FBXL7: variants seen among roughly 807,000 people sequenced by gnomAD.
The protein encoded by FBXL7 is F-box and leucine rich repeat protein 7.
Under a neutral mutation model 38.3 loss-of-function variants are expected in FBXL7, and 12 were observed. The ratio of observed to expected loss-of-function variants is 0.31; its 90% CI spans 0.20 to 0.51. The LOEUF is 0.51. Ranked by LOEUF, FBXL7 falls within the 20% of genes least tolerant of loss-of-function variation. The pLI, the probability that FBXL7 is intolerant of heterozygous loss-of-function variation, is 0.98. For synonymous variants in FBXL7, 297 were observed against 300.9 expected (o/e 0.99, Z 0.13); for missense variants, 567 against 676.4 (o/e 0.84, Z 1.79).
At chr5:15,638,442 C>T (rs1269831821) in intron 2 of FBXL7, among the ~76,000 whole-genome samples, 1 of 152,286 alleles carries the variant, frequency 6.6e-6, no homozygotes, top group Non-Finnish European at 1.5e-5. Context: ...CACAAAATCC[C>T]GGCTCCACCC....
At chr5:15,628,586 C>T (rs1740893162) in intron 2 of FBXL7, among the ~76,000 whole-genome samples, 1 of 152,150 alleles carries the variant, frequency 6.6e-6, no homozygotes, top group Non-Finnish European at 1.5e-5. Flanking sequence ...ACAACTAAAG[C>T]CAACTTCTGA....
At chr5:15,726,269 C>T (rs1362177324) in intron 2 of FBXL7, among the ~76,000 whole-genome samples, 1 of 152,032 alleles carries the variant, frequency 6.6e-6, no homozygotes, top group Non-Finnish European at 1.5e-5. Flanking sequence ...AAATAAGTTT[C>T]TTGCTGGCCA....
chr5:15,511,693 G>A (rs1012894539), intron 1 of FBXL7, among the ~76,000 whole-genome samples: 1 of 152,172 alleles, frequency 6.6e-6, no homozygotes, highest in Non-Finnish European at 1.5e-5. Flanking sequence ...TATCATCACA[G>A]GAATGGTGGC....
chr5:15,880,673 G>T (rs1740410279), intron 2 of FBXL7, among the ~76,000 whole-genome samples: 1 of 148,902 alleles, frequency 6.7e-6, no homozygotes, highest in Non-Finnish European at 1.5e-5. Flanking sequence ...TTTTAATGCA[G>T]AGAGTTTGAG....
intron 2 of FBXL7, among the ~76,000 whole-genome samples, chr5:15,778,884 A>G (rs1736924298): frequency 6.6e-6 from 1 of 152,168 alleles, no homozygotes; most frequent in Non-Finnish European, 1.5e-5. Context: ...GCTAGGGATA[A>G]TGTGTTTAAT....
chr5:15,819,377 C>G (rs1417115239), intron 2 of FBXL7, among the ~76,000 whole-genome samples: 2 of 152,058 alleles, frequency 1.3e-5, no homozygotes, highest in Non-Finnish European at 2.9e-5. Flanking sequence ...GATCAGTCAT[C>G]TAGATACTGT....
chr5:15,519,831 C>G (rs1356224761), intron 1 of FBXL7, among the ~76,000 whole-genome samples: 1 of 152,114 alleles, frequency 6.6e-6, no homozygotes, highest in African/African-American at 2.4e-5. Context: ...GGAAAGGAGT[C>G]CAGATCCAGA....
At chr5:15,597,935 A>T (rs1313276732) in intron 1 of FBXL7, among the ~76,000 whole-genome samples, 1 of 152,370 alleles carries the variant, frequency 6.6e-6, no homozygotes, top group East Asian at 1.9e-4. Flanking sequence ...TTCAAGAACT[A>T]TTCCAGTTTC....
intron 1 of FBXL7, among the ~76,000 whole-genome samples, chr5:15,512,941 T>C (rs1736841137): frequency 6.6e-6 from 1 of 152,264 alleles, no homozygotes; most frequent in Admixed American, 6.5e-5. Context: ...GGCTTAATGT[T>C]CTTTCTCTGT....
intron 3 of FBXL7, chr5:15,935,223 C>CT (rs933518357): frequency 1.9e-6 from 1 of 534,694 alleles, no homozygotes; most frequent in African/African-American, 1.9e-5. Context: ...GGATTTTACA[C>CT]TTGGAGTGAA....
At chr5:15,502,484 C>A (rs1736523031) in intron 1 of FBXL7, among the ~76,000 whole-genome samples, 1 of 152,134 alleles carries the variant, frequency 6.6e-6, no homozygotes, top group Admixed American at 6.5e-5. Flanking sequence ...TCACTGGGAT[C>A]AGATTTAGAT....
At chr5:15,818,080 T>TAATC (rs1257458515) in intron 2 of FBXL7, among the ~76,000 whole-genome samples, 1 of 132,534 alleles carries the variant, frequency 7.5e-6, no homozygotes, top group East Asian at 2.1e-4. Context: ...AGTATCATAT[T>TAATC]AATCTAGTAA....
At chr5:15,931,270 A>G (rs1742030266) in intron 3 of FBXL7, among the ~76,000 whole-genome samples, 1 of 152,276 alleles carries the variant, frequency 6.6e-6, no homozygotes, top group Admixed American at 6.5e-5. Context: ...GAAATCTGGA[A>G]TCAACTGAAG....
intron 2 of FBXL7, among the ~76,000 whole-genome samples, chr5:15,695,927 A>G (rs975442171): frequency 1.3e-5 from 2 of 152,202 alleles, no homozygotes; most frequent in Non-Finnish European, 2.9e-5. Flanking sequence ...TCTGTGAAAT[A>G]CCAGGTGTAC....
At chr5:15,739,968 A>G (rs1320216994) in intron 2 of FBXL7, among the ~76,000 whole-genome samples, 1 of 152,182 alleles carries the variant, frequency 6.6e-6, no homozygotes, top group South Asian at 2.1e-4. Flanking sequence ...CTGCCCGACT[A>G]TTCACCACAA....
At chr5:15,546,120 C>A (rs1737885014) in intron 1 of FBXL7, among the ~76,000 whole-genome samples, 1 of 152,208 alleles carries the variant, frequency 6.6e-6, no homozygotes, top group Non-Finnish European at 1.5e-5. Flanking sequence ...TCAATTTACC[C>A]TTTTACACTT....
chr5:15,517,218 G>C (rs1288955117), intron 1 of FBXL7, among the ~76,000 whole-genome samples: 2 of 152,022 alleles, frequency 1.3e-5, no homozygotes, highest in Non-Finnish European at 2.9e-5. Context: ...AGTAGAGACG[G>C]GGTTTCACCG....
At chr5:15,542,370 A>T (rs187393447) in intron 1 of FBXL7, among the ~76,000 whole-genome samples, 151 of 152,310 alleles carry the variant, frequency 9.9e-4, no homozygotes, top group African/African-American at 3.4e-3. Flanking sequence ...ATTTTAGCTG[A>T]TGAATGAATG....
At chr5:15,754,806 T>C (rs1736248287) in intron 2 of FBXL7, among the ~76,000 whole-genome samples, 1 of 152,206 alleles carries the variant, frequency 6.6e-6, no homozygotes. Context: ...TAGGCTCTTC[T>C]AGTGATTCTG....
Sources: gnomAD v4.1 joint callset for allele counts (sites outside exome capture counted in the v4.1 genomes callset) on GRCh38, gnomAD v4.1.1 for gene constraint, MANE v1.5 for transcripts, NCBI Gene and HGNC (gene_info 2026-07-23, HGNC 2026-07-21) for gene names.